The following AGBL4 variants were observed in gnomAD, a reference collection of about 807,000 sequenced individuals.
AGBL4 encodes cytosolic carboxypeptidase 6.
In AGBL4, 58 loss-of-function variants were observed where a neutral mutation model predicts 66.4. The observed-to-expected ratio is 0.87, with a 90% CI of 0.71 to 1.09. The LOEUF is 1.09. AGBL4 is among the 50% of genes least tolerant of loss of function. The pLI is 0.00. For missense variants in AGBL4, 579 were observed against 631.0 expected (o/e 0.92, Z 0.88); for synonymous variants, 234 against 222.9 (o/e 1.05, Z -0.44).
chr1:49,255,388 T>C lies in AGBL4; in HGVS notation c.283-9524A>G, dbSNP rs560679598. On this transcript the variant is annotated intron_variant, in intron 3 of 13. Coordinates refer to ENST00000371839, the MANE Select transcript of AGBL4 (RefSeq NM_032785.4). ...ATTACACGCTTTTCAAAAGAAGACA[T>C]ACATGTGGCCAAAAATCATGGAAAA... 1.5e-4 allele frequency among the ~76,000 whole-genome samples: 23 copies of C among 152,146 alleles called. No individual in the cohort carries two copies. In the South Asian group the frequency reaches 2.7e-3, roughly 18 times the overall value.
intron 11 of AGBL4, among the ~76,000 whole-genome samples, chr1:48,572,537 TGA>T (rs969756352): frequency 4.0e-5 from 6 of 151,450 alleles, no homozygotes; most frequent in African/African-American, 1.5e-4. Flanking sequence ...TGTGTGTGTG[TGA>T]GTGTGTGTGA....
intron 6 of AGBL4, among the ~76,000 whole-genome samples, chr1:48,862,367 T>C (rs1325508196): frequency 2.0e-5 from 3 of 152,196 alleles, no homozygotes; most frequent in Non-Finnish European, 4.4e-5. Context: ...AGGACTTACT[T>C]TGTCATTCAG....
chr1:49,989,484 G>GGTATA (rs1421928119), intron 1 of AGBL4, among the ~76,000 whole-genome samples: 2 of 152,050 alleles, frequency 1.3e-5, no homozygotes, highest in Non-Finnish European at 2.9e-5. Flanking sequence ...CAATACTATA[G>GGTATA]GTATAGTTAG....
chr1:48,634,169 C>A, intron 9 of AGBL4: 1 of 172,130 alleles, frequency 5.8e-6, no homozygotes, highest in Non-Finnish European at 1.2e-5. Flanking sequence ...CTAATAAATT[C>A]TCTATTTTTC....
chr1:49,005,781 T>G (rs1661740734), intron 5 of AGBL4, among the ~76,000 whole-genome samples: 1 of 152,030 alleles, frequency 6.6e-6, no homozygotes, highest in Non-Finnish European at 1.5e-5. Context: ...GGCAGGTGGA[T>G]CACAAGGTCA....
chr1:49,340,925 A>G (rs1038057708), intron 3 of AGBL4, among the ~76,000 whole-genome samples: 4 of 152,332 alleles, frequency 2.6e-5, no homozygotes, highest in African/African-American at 9.6e-5. Flanking sequence ...AGATAGTAAT[A>G]TAGATTCCTG....
At chr1:48,876,752 C>T (rs1649274610) in intron 5 of AGBL4, among the ~76,000 whole-genome samples, 1 of 152,144 alleles carries the variant, frequency 6.6e-6, no homozygotes, top group Admixed American at 6.5e-5. Context: ...TACCTGTTCC[C>T]TGATAGGGCT....
At chr1:48,599,175 G>A (rs527785463) in intron 9 of AGBL4, among the ~76,000 whole-genome samples, 8 of 152,114 alleles carry the variant, frequency 5.3e-5, no homozygotes, top group African/African-American at 1.4e-4. Flanking sequence ...ATCCCTTCTC[G>A]TGGAACACTT....
intron 6 of AGBL4, among the ~76,000 whole-genome samples, chr1:48,833,494 G>A (rs1435624841): frequency 1.3e-5 from 2 of 152,138 alleles, no homozygotes; most frequent in Non-Finnish European, 2.9e-5. Context: ...TTGAAAGGGT[G>A]AATTGTTAAG....
chr1:49,925,749 G>A (rs1034117786), intron 1 of AGBL4, among the ~76,000 whole-genome samples: 5 of 152,214 alleles, frequency 3.3e-5, no homozygotes, highest in African/African-American at 4.8e-5. Context: ...GGTGCTCCCC[G>A]TGGGCAGGTG....
At chr1:48,688,471 TC>T (rs1278431800) in intron 6 of AGBL4, among the ~76,000 whole-genome samples, 3 of 152,250 alleles carry the variant, frequency 2.0e-5, no homozygotes, top group African/African-American at 7.2e-5. Context: ...TAACTCTTGT[TC>T]CATTTCATGC....
At chr1:48,769,489 GC>G (rs1419119395) in intron 6 of AGBL4, among the ~76,000 whole-genome samples, 1 of 149,322 alleles carries the variant, frequency 6.7e-6, no homozygotes, top group East Asian at 2.0e-4. Context: ...TTAATAGTAA[GC>G]CTTTCATGCT....
chr1:49,190,785 CT>C (rs1406927717), intron 4 of AGBL4, among the ~76,000 whole-genome samples: 3 of 152,108 alleles, frequency 2.0e-5, no homozygotes, highest in African/African-American at 7.2e-5. Flanking sequence ...TATGTGCTAA[CT>C]TTGGATCTAA....
intron 3 of AGBL4, among the ~76,000 whole-genome samples, chr1:49,380,881 C>T (rs891708207): frequency 6.6e-6 from 1 of 152,124 alleles, no homozygotes; most frequent in Non-Finnish European, 1.5e-5. Flanking sequence ...AGACCTAAAA[C>T]CATAAAAACC....
chr1:48,744,306 A>G (rs757336843), intron 6 of AGBL4, among the ~76,000 whole-genome samples: 2 of 152,236 alleles, frequency 1.3e-5, no homozygotes, highest in Non-Finnish European at 2.9e-5. Flanking sequence ...GAGTAATTCT[A>G]AAGTTTCAGA....
At chr1:48,773,933 A>C (rs1644955683) in intron 6 of AGBL4, among the ~76,000 whole-genome samples, 1 of 152,226 alleles carries the variant, frequency 6.6e-6, no homozygotes, top group African/African-American at 2.4e-5. Flanking sequence ...CTGGGATTGT[A>C]ATTTGATAAG....
intron 2 of AGBL4, among the ~76,000 whole-genome samples, chr1:49,821,438 C>T (rs1343523829): frequency 1.3e-5 from 2 of 152,178 alleles, no homozygotes; most frequent in Non-Finnish European, 2.9e-5. Flanking sequence ...AATGCAAAGT[C>T]ACCAATATGG....
chr1:49,643,057 C>T (rs1645815204), intron 3 of AGBL4, among the ~76,000 whole-genome samples: 1 of 151,890 alleles, frequency 6.6e-6, no homozygotes, highest in African/African-American at 2.4e-5. Flanking sequence ...AACTCTTCCT[C>T]ATATGCGCAA....
chr1:48,907,110 G>C (rs901432912), intron 5 of AGBL4, among the ~76,000 whole-genome samples: 2 of 152,208 alleles, frequency 1.3e-5, no homozygotes, highest in African/African-American at 2.4e-5. Context: ...GGGCTGTGTA[G>C]TTTCAATGTG....
Sources: allele counts gnomAD v4.1 joint callset (sites outside exome capture counted in the v4.1 genomes callset), GRCh38; gene constraint gnomAD v4.1.1; transcripts MANE v1.5; gene names NCBI Gene and HGNC (gene_info 2026-07-23, HGNC 2026-07-21).